Variants in ROR1 observed in about 807,000 individuals in gnomAD.
ROR1 encodes the protein ROR family WNT receptor 1.
Under a neutral mutation model 78.8 loss-of-function variants are expected in ROR1, and 19 were observed. The ratio of observed to expected loss-of-function variants is 0.24; its 90% CI spans 0.17 to 0.35. The LOEUF (loss-of-function observed/expected upper bound fraction) is 0.35, where lower values mean the gene tolerates loss of function less well. ROR1 is among the 10% of genes least tolerant of loss of function. The pLI, the probability that ROR1 is intolerant of heterozygous loss-of-function variation, is 1.00. For missense variants in ROR1, 917 were observed against 1,177.8 expected (o/e 0.78, Z 3.24); for synonymous variants, 386 against 433.6 (o/e 0.89, Z 1.36).
intron 4 of ROR1, among the ~76,000 whole-genome samples, chr1:64,091,761 C>T (rs898062670): frequency 3.3e-5 from 5 of 152,116 alleles, no homozygotes; most frequent in African/African-American, 1.2e-4. Context: ...CCATGTGTCT[C>T]TTCTCCTACT....
chr1:63,792,349 G>A (rs758051231), intron 1 of ROR1, among the ~76,000 whole-genome samples: 2 of 152,160 alleles, frequency 1.3e-5, no homozygotes, highest in African/African-American at 2.4e-5. Context: ...AACCCTATTC[G>A]GTAGGTCCTA....
In ROR1 at chr1:64,159,369, T is replaced by A. The variant is rs138404865; in HGVS notation, c.1386+177T>A. Among the ~76,000 whole-genome samples, 811 of 152,232 alleles carry A rather than the reference T, an allele frequency of 5.3e-3. 7 individuals carry two copies. Among genetic ancestry groups the A allele is most frequent in the African/African-American group, 0.019 (775 of 41,544 alleles). ...CTACCTCTATCTAAACCAAGACACTTTCATCAGTATGTCTACTTCAGTGTT... is the reference window on the plus strand; with the variant it reads ...CTACCTCTATCTAAACCAAGACACTATCATCAGTATGTCTACTTCAGTGTT... On this transcript the variant is annotated intron_variant, in intron 8 of 8. Transcript: ENST00000371079.
intron 1 of ROR1, among the ~76,000 whole-genome samples, chr1:63,839,456 T>G (rs986624636): frequency 6.6e-6 from 1 of 152,186 alleles, no homozygotes; most frequent in Non-Finnish European, 1.5e-5. Flanking sequence ...TTCCAAACAT[T>G]TAAAAAGTAT....
chr1:64,167,742 T>C (rs1288604496), intron 8 of ROR1, among the ~76,000 whole-genome samples: 1 of 152,178 alleles, frequency 6.6e-6, no homozygotes, highest in Non-Finnish European at 1.5e-5. Flanking sequence ...TCATGCTCAA[T>C]TCAGGTGAAG....
At chr1:64,135,322 A>T (rs971618843) in intron 4 of ROR1, among the ~76,000 whole-genome samples, 2 of 152,206 alleles carry the variant, frequency 1.3e-5, no homozygotes, top group Non-Finnish European at 2.9e-5. Flanking sequence ...CACACATAAA[A>T]TATGGGAACT....
At chr1:63,910,949 G>A (rs1289889448) in intron 1 of ROR1, among the ~76,000 whole-genome samples, 6 of 152,142 alleles carry the variant, frequency 3.9e-5, no homozygotes, top group Admixed American at 1.3e-4. Flanking sequence ...GGTTTTTTAC[G>A]TCAGAGAAAA....
intron 1 of ROR1, among the ~76,000 whole-genome samples, chr1:63,778,071 G>T (rs758612165): frequency 6.6e-6 from 1 of 152,182 alleles, no homozygotes; most frequent in Non-Finnish European, 1.5e-5. Flanking sequence ...ACAGGCTTTG[G>T]CATTTAACAG....
At chr1:63,936,447 C>A (rs1267374185) in intron 1 of ROR1, among the ~76,000 whole-genome samples, 1 of 152,090 alleles carries the variant, frequency 6.6e-6, no homozygotes, top group Non-Finnish European at 1.5e-5. Context: ...TTCTAAAACA[C>A]CCTTACCTTA....
At chr1:64,131,219 G>T (rs1000029593) in intron 4 of ROR1, among the ~76,000 whole-genome samples, 2 of 152,056 alleles carry the variant, frequency 1.3e-5, no homozygotes, top group Non-Finnish European at 1.5e-5. Context: ...CCTCTCCATG[G>T]CTCAAAACAG....
intron 1 of ROR1, among the ~76,000 whole-genome samples, chr1:63,818,357 TG>T (rs1192624827): frequency 2.0e-5 from 3 of 152,220 alleles, no homozygotes; most frequent in Admixed American, 6.5e-5. Context: ...AGCATAGAAA[TG>T]TATTTTTTTC....
chr1:63,897,714 A>G (rs1645451343), intron 1 of ROR1, among the ~76,000 whole-genome samples: 1 of 152,230 alleles, frequency 6.6e-6, no homozygotes, highest in African/African-American at 2.4e-5. Flanking sequence ...TATCTGCTAC[A>G]TAGAAGTGCT....
chr1:63,961,542 G>A (rs1646029731), intron 1 of ROR1, among the ~76,000 whole-genome samples: 1 of 152,090 alleles, frequency 6.6e-6, no homozygotes, highest in Non-Finnish European at 1.5e-5. Flanking sequence ...TGGCAACATG[G>A]GTGAGCCTGG....
chr1:63,967,388 C>T (rs193084605), intron 1 of ROR1, among the ~76,000 whole-genome samples: 31 of 152,154 alleles, frequency 2.0e-4, no homozygotes, highest in African/African-American at 7.2e-4. Flanking sequence ...TTTACTGGCT[C>T]CTCTTACTTT....
chr1:63,887,167 C>T (rs1349796152), intron 1 of ROR1, among the ~76,000 whole-genome samples: 1 of 151,958 alleles, frequency 6.6e-6, no homozygotes, highest in Admixed American at 6.6e-5. Context: ...CTGAGGGCCC[C>T]TTTAGGAGCT....
chr1:63,874,357 A>T (rs1047265784), intron 1 of ROR1, among the ~76,000 whole-genome samples: 1 of 152,076 alleles, frequency 6.6e-6, no homozygotes, highest in African/African-American at 2.4e-5. Flanking sequence ...CCTCTTAAAG[A>T]TAATTAAGAG....
rs1033642488 is a variant in ROR1, at chr1:63,820,627, C to T, written c.91+46119C>T. Reference sequence around the variant, plus strand: ...TGAGTTTAGCTGGAATTAGTTCTTTCATGGCCTTGGGGAAGATGTGGATAA... The same window carrying T: ...TGAGTTTAGCTGGAATTAGTTCTTTTATGGCCTTGGGGAAGATGTGGATAA... On this transcript the variant is annotated intron_variant, in intron 1 of 8. Coordinates refer to ENST00000371079, the MANE Select transcript of ROR1 (RefSeq NM_005012.4). Among the ~76,000 whole-genome samples, 3 of 152,060 alleles carry T rather than the reference C, an allele frequency of 2.0e-5. No individual in the cohort carries two copies. In the East Asian group the frequency reaches 5.8e-4, roughly 29 times the overall value.
chr1:64,034,933 T>C (rs770412481), intron 2 of ROR1, among the ~76,000 whole-genome samples: 6 of 152,086 alleles, frequency 3.9e-5, no homozygotes, highest in Non-Finnish European at 8.8e-5. Context: ...TACCTTTCCA[T>C]AGACTCTCCC....
At chr1:63,998,194 G>T (rs1336933217) in intron 1 of ROR1, among the ~76,000 whole-genome samples, 2 of 151,708 alleles carry the variant, frequency 1.3e-5, no homozygotes, top group Non-Finnish European at 2.9e-5. Context: ...TACTGTCTGA[G>T]AAGAATGAAA....
intron 8 of ROR1, among the ~76,000 whole-genome samples, chr1:64,173,832 C>T (rs2100742744): frequency 6.6e-6 from 1 of 152,306 alleles, no homozygotes; most frequent in East Asian, 1.9e-4. Context: ...TGGCTTGCTT[C>T]CTTTACCCAT....
Sources: gnomAD v4.1 joint callset for allele counts (sites outside exome capture counted in the v4.1 genomes callset) on GRCh38, gnomAD v4.1.1 for gene constraint, MANE v1.5 for transcripts, NCBI Gene and HGNC (gene_info 2026-07-23, HGNC 2026-07-21) for gene names.